Variants in RBFOX1 observed in about 807,000 individuals in gnomAD.
RBFOX1 encodes the protein RNA binding fox-1 homolog 1.
A neutral mutation model predicts 57.7 loss-of-function variants in RBFOX1; 8 were observed. The observed-to-expected ratio is 0.14, with a 90% CI of 0.08 to 0.25. RBFOX1 has a LOEUF of 0.25. RBFOX1 is among the 10% of genes least tolerant of loss of function. RBFOX1 has a pLI of 1.00. For missense variants in RBFOX1, 611 were observed against 548.5 expected (o/e 1.11, Z -1.14); for synonymous variants, 326 against 222.4 (o/e 1.47, Z -4.15).
chr16:6,649,838 A>G (rs978638561), intron 2 of RBFOX1, among the ~76,000 whole-genome samples: 1 of 152,154 alleles, frequency 6.6e-6, no homozygotes, highest in African/African-American at 2.4e-5. Context: ...TTATATATGT[A>G]TAGTATATTA....
intron 2 of RBFOX1, among the ~76,000 whole-genome samples, chr16:6,413,698 G>A (rs2093538393): frequency 6.6e-6 from 1 of 152,156 alleles, no homozygotes; most frequent in African/African-American, 2.4e-5. Flanking sequence ...AGGATCTTTT[G>A]ATGTGACTAC....
At chr16:5,555,885 G>A (rs2045653946) in intron 2 of RBFOX1, among the ~76,000 whole-genome samples, 1 of 152,028 alleles carries the variant, frequency 6.6e-6, no homozygotes, top group Non-Finnish European at 1.5e-5. Context: ...GCCGGTCGTG[G>A]TGGTGCATGT....
At chr16:5,264,868 CA>C (rs2062820448) in intron 1 of RBFOX1, among the ~76,000 whole-genome samples, 1 of 152,090 alleles carries the variant, frequency 6.6e-6, no homozygotes, top group Non-Finnish European at 1.5e-5. Flanking sequence ...TGATGGGAAA[CA>C]GAGCACCCCA....
intron 3 of RBFOX1, among the ~76,000 whole-genome samples, chr16:6,859,143 A>ATACGTATACG (rs2058492169): frequency 1.1e-5 from 1 of 88,096 alleles, no homozygotes; most frequent in African/African-American, 5.7e-5. Flanking sequence ...ATATATACGT[A>ATACGTATACG]TATATATATG....
At chr16:5,867,879 T>A (rs534348549) in intron 4 of RBFOX1, among the ~76,000 whole-genome samples, 17 of 152,016 alleles carry the variant, frequency 1.1e-4, no homozygotes, top group African/African-American at 4.1e-4. Flanking sequence ...GCCTGGCTAA[T>A]TTTTGTGTTT....
chr16:7,585,470 T>C (rs1157243444), intron 6 of RBFOX1, among the ~76,000 whole-genome samples: 3 of 152,212 alleles, frequency 2.0e-5, no homozygotes, highest in Non-Finnish European at 4.4e-5. Flanking sequence ...TCTGAGTATT[T>C]TCTCTTTGGT....
intron 3 of RBFOX1, among the ~76,000 whole-genome samples, chr16:5,707,512 G>A (rs539312433): frequency 6.2e-4 from 95 of 152,268 alleles, no homozygotes; most frequent in African/African-American, 2.1e-3. Context: ...TAACACCTAT[G>A]TCTGCCATCT....
chr16:7,323,384 A>C (rs147350626), intron 4 of RBFOX1, among the ~76,000 whole-genome samples: 5 of 152,204 alleles, frequency 3.3e-5, no homozygotes, highest in Non-Finnish European at 7.3e-5. Flanking sequence ...TGATCATGCC[A>C]CTGCCTTCCA....
chr16:7,603,925 G>T (rs935866698), intron 9 of RBFOX1, among the ~76,000 whole-genome samples: 1 of 152,090 alleles, frequency 6.6e-6, no homozygotes, highest in South Asian at 2.1e-4. Context: ...ATGGACAGGG[G>T]GAAGGAGGAG....
upstream of RBFOX1, among the ~76,000 whole-genome samples, chr16:6,015,562 C>T (rs989955276): frequency 2.0e-5 from 3 of 152,200 alleles, no homozygotes; most frequent in Non-Finnish European, 4.4e-5. Context: ...ACTCTCTTGG[C>T]TCTTTCACCA....
chr16:7,131,593 C>T (rs957919880), intron 4 of RBFOX1, among the ~76,000 whole-genome samples: 2 of 151,776 alleles, frequency 1.3e-5, no homozygotes, highest in Non-Finnish European at 2.9e-5. Context: ...ACTCTGAACA[C>T]TGCAGTCTTT....
At chr16:7,402,255 G>A (rs922277203) in intron 4 of RBFOX1, among the ~76,000 whole-genome samples, 1 of 152,148 alleles carries the variant, frequency 6.6e-6, no homozygotes, top group Non-Finnish European at 1.5e-5. Flanking sequence ...GGTCAACTAA[G>A]TTATTCAGTC....
chr16:6,499,392 G>A (rs1407738268), intron 2 of RBFOX1, among the ~76,000 whole-genome samples: 1 of 152,010 alleles, frequency 6.6e-6, no homozygotes, highest in Non-Finnish European at 1.5e-5. Flanking sequence ...AAAAAGGTAT[G>A]AAAAATCTTA....
intron 4 of RBFOX1, among the ~76,000 whole-genome samples, chr16:7,432,079 G>A (rs1364052995): frequency 6.6e-6 from 1 of 152,206 alleles, no homozygotes; most frequent in Non-Finnish European, 1.5e-5. Context: ...AGCAGTGGGG[G>A]CAGATGGGTC....
Position 5,581,725 on chromosome 16 carries a change from A to T in RBFOX1, c.259-17177A>T, listed in dbSNP as rs76631472. On this transcript the variant is annotated intron_variant, in intron 2 of 2. Transcript: ENST00000585867. ...GTGACAGACAGCTGATGCAAGGGTC[A>T]AAAAGAAACACTGTATAGTTGCAGC... is the stretch of plus-strand genomic sequence containing the variant. 5.7e-3 allele frequency among the ~76,000 whole-genome samples: 861 copies of T among 152,290 alleles called. 5 individuals are homozygous for T. Among genetic ancestry groups the T allele is most frequent in the African/African-American group, 0.02 (820 of 41,548 alleles).
intron 3 of RBFOX1, among the ~76,000 whole-genome samples, chr16:6,986,173 C>T (rs1375092666): frequency 1.0e-5 from 1 of 96,146 alleles, no homozygotes; most frequent in African/African-American, 5.4e-5. Flanking sequence ...ACCAGAATCA[C>T]CAATTTCTAT....
chr16:6,374,575 C>T (rs2090922908), intron 2 of RBFOX1, among the ~76,000 whole-genome samples: 3 of 152,160 alleles, frequency 2.0e-5, no homozygotes, highest in South Asian at 4.1e-4. Context: ...AAGACAAATG[C>T]TGTGTAATGT....
chr16:6,020,678 C>A (rs944704268), intron 1 of RBFOX1, among the ~76,000 whole-genome samples: 4 of 151,038 alleles, frequency 2.6e-5, no homozygotes, highest in Admixed American at 1.3e-4. Context: ...CAGATCTTAG[C>A]CCTGTGTTGT....
intron 1 of RBFOX1, among the ~76,000 whole-genome samples, chr16:5,406,421 C>T (rs555351802): frequency 3.3e-5 from 5 of 152,252 alleles, no homozygotes; most frequent in African/African-American, 9.6e-5. Flanking sequence ...TTCTGGTTCT[C>T]AGGCCTTTGG....
Sources: allele counts gnomAD v4.1 joint callset (sites outside exome capture counted in the v4.1 genomes callset), GRCh38; gene constraint gnomAD v4.1.1; transcripts MANE v1.5; gene names NCBI Gene and HGNC (gene_info 2026-07-23, HGNC 2026-07-21).